The following NPRL3 variants were observed in gnomAD, a reference collection of about 807,000 sequenced individuals.
NPRL3 encodes GATOR1 complex protein NPRL3.
A neutral mutation model predicts 57.2 loss-of-function variants in NPRL3; 23 were observed. The ratio of observed to expected loss-of-function variants is 0.40; its 90% CI spans 0.29 to 0.57. NPRL3 has a LOEUF of 0.57. Among genes scored for constraint, NPRL3 ranks in the 20% least tolerant of loss-of-function variants. NPRL3 has a pLI of 0.42. For missense variants in NPRL3, 691 were observed against 767.1 expected, an observed-to-expected ratio of 0.90 and a Z score of 1.17; for synonymous variants, 333 against 321.1, an observed-to-expected ratio of 1.04 and a Z score of -0.39.
rs1218676287 is a variant in NPRL3 at position 86,438 on chromosome 16, C to T, written c.*267G>A. 3 of 452,686 alleles carry T rather than the reference C, an allele frequency of 6.6e-6. No individual in the cohort carries two copies. Among genetic ancestry groups the T allele is most frequent in the Non-Finnish European group, 1.2e-5 (3 of 247,900 alleles). The allele number at this position is 452,686 out of a possible 1,614,324, so 28.0% of individuals were successfully genotyped here. ...ACCCAGAGACAGGAGTCCTGGCAGG[C>T]CCCCCTCCAGCGTGGAGATGCCTAC... is the stretch of plus-strand genomic sequence containing the variant. On this transcript the variant is annotated 3_prime_UTR_variant, in exon 14 of 14. Transcript: ENST00000611875.
In NPRL3 at chr16:89,784, T is replaced by A. The variant is rs745950066; in HGVS notation, c.1280A>T (p.Asp427Val). 81 of 1,601,350 alleles carry A rather than the reference T, an allele frequency of 5.1e-5. No individual in the cohort carries two copies. Among genetic ancestry groups the A allele is most frequent in the Non-Finnish European group, 6.8e-5 (80 of 1,175,498 alleles). The change falls in exon 12 of 14, where the codon GAC (aspartate) becomes GTC (valine). Residue 427 changes from aspartate (D) to valine (V), a missense_variant. Asp to Val is a radical substitution (Grantham distance 152). Transcript: ENST00000611875. ...GCCGACCCGGGCAGTGAAGGGGACG[T>A]CGTCCTCTCGCGGACGGGGCTCCTC... is the stretch of plus-strand genomic sequence containing the variant. ...SEEEPRPRED[D>V]VPFTARVGGR...
At chr16:109,719 C>G (rs546974431) in intron 7 of NPRL3, among the ~76,000 whole-genome samples, 1 of 152,056 alleles carries the variant, frequency 6.6e-6, no homozygotes, top group Non-Finnish European at 1.5e-5. Flanking sequence ...CCTCTTCCCC[C>G]GAGCTTTGCC....
Position 88,770 on chromosome 16 carries a change from G to C in NPRL3, c.1472C>G (p.Ser491Trp), listed in dbSNP as rs754194124. Residue 491 changes from serine to tryptophan, a missense_variant, in exon 13 of 14, where the codon TCG (serine) becomes TGG (tryptophan). By Grantham distance (177) the Ser-to-Trp change is radical. Transcript: ENST00000611875. ...RMTENLLASL[S>W]EHERAAILSV... Reference sequence around the variant, plus strand: ...GAGGATGGCTGCGCGTTCATGCTCCGACAGGCTGGCCAGCAGGTTCTCCGT... The same window carrying C: ...GAGGATGGCTGCGCGTTCATGCTCCCACAGGCTGGCCAGCAGGTTCTCCGT... The C allele has an allele frequency of 1.9e-6, 3 of 1,613,334 alleles. No homozygotes were observed. Among genetic ancestry groups the C allele is most frequent in the South Asian group, 1.1e-5 (1 of 91,032 alleles).
rs1226564608 is a variant in NPRL3, at chr16:92,469, G to GC, written c.1161+126dup. The stretch of plus-strand genomic sequence containing the variant: ...TGGGCACGTAGCACTTGCACGGCAA[G>GC]CCCCCAAAACCAAGGAGAAGCAGGT... On this transcript the variant is annotated intron_variant, in intron 11 of 13. Coordinates refer to ENST00000611875, the MANE Select transcript of NPRL3 (RefSeq NM_001077350.3). 1.9e-5 allele frequency: 23 copies of GC among 1,225,140 alleles called. No homozygotes were observed. In the East Asian group the frequency reaches 3.4e-4, roughly 18 times the overall value. The allele number at this position is 1,225,140 out of a possible 1,614,324, so 75.9% of individuals were successfully genotyped here.
chr16:98,074 G>A, intron 9 of NPRL3, 71 bp downstream of exon 9: 1 of 1,552,750 alleles, frequency 6.4e-7, no homozygotes, highest in South Asian at 1.2e-5. Flanking sequence ...GATGTACTGT[G>A]GCAGGCGGCC....
intron 5 of NPRL3, among the ~76,000 whole-genome samples, chr16:115,758 T>C (rs1416484400): frequency 6.6e-6 from 1 of 152,230 alleles, no homozygotes; most frequent in Non-Finnish European, 1.5e-5. Flanking sequence ...AGTGCTGGTA[T>C]TACAGGCGTA....
chr16:112,590 G>A (rs1354876054), intron 6 of NPRL3, 32 bp downstream of exon 6: 13 of 1,506,756 alleles, frequency 8.6e-6, no homozygotes, highest in Non-Finnish European at 1.1e-5. Context: ...AGCCAGCCCA[G>A]ACCCATGCCC....
chr16:93,099 GC>G, intron 10 of NPRL3, 119 bp downstream of exon 10: 1 of 722,832 alleles, frequency 1.4e-6, no homozygotes, highest in Non-Finnish European at 2.4e-6. Flanking sequence ...TGAGAGCCTG[GC>G]CTTGGGGCTT....
intron 4 of NPRL3, among the ~76,000 whole-genome samples, chr16:118,379 G>A (rs1567142366): frequency 1.3e-5 from 2 of 152,184 alleles, no homozygotes; most frequent in South Asian, 4.1e-4. Flanking sequence ...AACATATAGA[G>A]AGGGTTTAGC....
At chr16:121,653 G>A (rs550081247) in intron 3 of NPRL3, among the ~76,000 whole-genome samples, 2 of 151,880 alleles carry the variant, frequency 1.3e-5, no homozygotes, top group South Asian at 2.1e-4. Flanking sequence ...CTTAGTGGCT[G>A]TTCATGGAGC....
intron 11 of NPRL3, 65 bp downstream of exon 11, chr16:92,531 C>G: frequency 1.3e-6 from 2 of 1,565,406 alleles, no homozygotes; most frequent in South Asian, 2.3e-5. Context: ...AACCAACAGC[C>G]AGGCAGGTAG....
chr16:107,786 C>T (rs546574139), intron 7 of NPRL3, among the ~76,000 whole-genome samples: 1 of 152,300 alleles, frequency 6.6e-6, no homozygotes, highest in South Asian at 2.1e-4. Flanking sequence ...CTTGGCCTCG[C>T]CTGTGAGATG....
chr16:128,496 C>T (rs1233716993), intron 3 of NPRL3, among the ~76,000 whole-genome samples: 4 of 151,860 alleles, frequency 2.6e-5, no homozygotes, highest in African/African-American at 9.7e-5. Flanking sequence ...GGGCCGGGCG[C>T]GGTGGCTCAC....
At chr16:109,862 A>G (rs916036976) in intron 7 of NPRL3, among the ~76,000 whole-genome samples, 14 of 152,126 alleles carry the variant, frequency 9.2e-5, no homozygotes, top group African/African-American at 1.9e-4. Flanking sequence ...CTGTGAGCTC[A>G]CTGCTCAGAT....
chr16:97,096 C>T (rs1899043263), intron 9 of NPRL3, among the ~76,000 whole-genome samples: 1 of 152,234 alleles, frequency 6.6e-6, no homozygotes, highest in Non-Finnish European at 1.5e-5. Flanking sequence ...ACACCGCCAC[C>T]AGACGAGGGC....
chr16:95,302 T>C (rs770043602), intron 9 of NPRL3, among the ~76,000 whole-genome samples: 2 of 144,210 alleles, frequency 1.4e-5, no homozygotes, highest in Non-Finnish European at 3.0e-5. Flanking sequence ...ATTTTCATAA[T>C]ACAAAATAAA....
At chr16:101,759 A>G (rs1899309172) in intron 7 of NPRL3, among the ~76,000 whole-genome samples, 1 of 152,152 alleles carries the variant, frequency 6.6e-6, no homozygotes, top group Non-Finnish European at 1.5e-5. Flanking sequence ...CCAGTCACTC[A>G]GGTCCCGCTG....
intron 8 of NPRL3, among the ~76,000 whole-genome samples, chr16:99,654 G>T (rs1347650277): frequency 2.3e-5 from 3 of 131,734 alleles, no homozygotes; most frequent in African/African-American, 8.5e-5. Flanking sequence ...AAAAAAAAAA[G>T]TCAATTAAAT....
chr16:86,840 G>A lies in NPRL3; in HGVS notation c.1575C>T (p.His525=). The A allele has an allele frequency of 1.9e-6, 3 of 1,613,488 alleles. No individual in the cohort carries two copies. Among genetic ancestry groups the A allele is most frequent in the Non-Finnish European group, 2.5e-6 (3 of 1,179,766 alleles). ...RLLHYFRGRH[H]LEEIMYNENT... Reference sequence around the variant, plus strand: ...TCTCGTTGTACATAATCTCCTCCAGGTGGTGGCGGCCGCGGAAGTAGTGAA... The same window carrying A: ...TCTCGTTGTACATAATCTCCTCCAGATGGTGGCGGCCGCGGAAGTAGTGAA... The change falls in exon 14 of 14, where the codon CAC becomes CAT. Residue 525 remains histidine, a synonymous_variant. Transcript: ENST00000611875.
Sources: gnomAD v4.1 joint callset for allele counts (sites outside exome capture counted in the v4.1 genomes callset) on GRCh38, gnomAD v4.1.1 for gene constraint, MANE v1.5 for transcripts, NCBI Gene and HGNC (gene_info 2026-07-23, HGNC 2026-07-21) for gene names.